Variants in AOX1 observed in about 807,000 individuals in gnomAD.
The protein encoded by AOX1 is aldehyde oxidase 1, also known as aldehyde oxidase.
In AOX1, 153 loss-of-function variants were observed where a neutral mutation model predicts 169.5. That is an observed-to-expected ratio of 0.90 (90% CI 0.79 to 1.03). The LOEUF is 1.03. Among genes scored for constraint, AOX1 ranks in the 50% least tolerant of loss-of-function variants. The pLI is 0.00. For missense variants in AOX1, 1,656 were observed against 1,663.9 expected (o/e 1.00, Z 0.08); for synonymous variants, 562 against 581.9 (o/e 0.97, Z 0.49).
chr2:200,613,065 T>C (rs187631616), intron 14 of AOX1, among the ~76,000 whole-genome samples: 1 of 149,880 alleles, frequency 6.7e-6, no homozygotes, highest in African/African-American at 2.4e-5. Flanking sequence ...AGAGAAGCCC[T>C]CCCTCAACAG....
Position 200,598,930 on chromosome 2 carries a change from G to T in AOX1, c.310-690G>T, listed in dbSNP as rs1052875351. 3.3e-5 allele frequency among the ~76,000 whole-genome samples: 5 copies of T among 152,200 alleles called. No homozygotes were observed. The South Asian group carries it at 8.3e-4, about 25-fold the overall frequency. On this transcript the variant is annotated intron_variant, in intron 4 of 34. Coordinates refer to ENST00000374700, the MANE Select transcript of AOX1 (RefSeq NM_001159.4). ...ACCCAGAGGGAGAGAATTTTGCCTG[G>T]ATCATTATGACATATCATTAACTAG...
At chr2:200,592,481 A>G (rs2034194244) in intron 1 of AOX1, among the ~76,000 whole-genome samples, 2 of 152,226 alleles carry the variant, frequency 1.3e-5, no homozygotes, top group African/African-American at 4.8e-5. Flanking sequence ...ATCACTTTGG[A>G]AAACATAACC....
intron 13 of AOX1, among the ~76,000 whole-genome samples, chr2:200,612,186 T>C (rs890205001): frequency 2.0e-5 from 3 of 152,182 alleles, no homozygotes; most frequent in Non-Finnish European, 4.4e-5. Flanking sequence ...GGAAAAAACA[T>C]GAGGCTTTGC....
chr2:200,659,436 G>C, intron 28 of AOX1, 143 bp downstream of exon 28: 1 of 861,630 alleles, frequency 1.2e-6, no homozygotes, highest in Non-Finnish European at 1.8e-6. Flanking sequence ...ACAGCACCCA[G>C]TGGTTCTCCT....
chr2:200,655,924 C>T (rs1305134933), intron 26 of AOX1, among the ~76,000 whole-genome samples: 1 of 152,182 alleles, frequency 6.6e-6, no homozygotes, highest in Non-Finnish European at 1.5e-5. Context: ...AAGTGAGCAA[C>T]TAAGGCTTAG....
At chr2:200,599,931 C>T (rs61125566) in intron 5 of AOX1, among the ~76,000 whole-genome samples, 185 bp downstream of exon 5, 3,837 of 152,104 alleles carry the variant, frequency 0.025, 176 homozygotes, top group African/African-American at 0.088. Flanking sequence ...TACTTTTAAA[C>T]GATGATGATG....
intron 12 of AOX1, 98 bp from the exon 13 acceptor site, chr2:200,611,286 C>T (rs753045525): frequency 1.7e-4 from 134 of 810,028 alleles, no homozygotes; most frequent in Non-Finnish European, 2.5e-4. Context: ...CCTGAACAAC[C>T]GGTTTCCTCA....
intron 25 of AOX1, among the ~76,000 whole-genome samples, chr2:200,647,876 C>T (rs1038722964): frequency 7.2e-5 from 11 of 152,130 alleles, no homozygotes; most frequent in Non-Finnish European, 1.3e-4. Context: ...TTTAATTCTA[C>T]TACTGAGACT....
intron 25 of AOX1, among the ~76,000 whole-genome samples, chr2:200,647,185 T>C (rs950961317): frequency 6.6e-6 from 1 of 152,238 alleles, no homozygotes; most frequent in African/African-American, 2.4e-5. Flanking sequence ...ATAGGTCCTA[T>C]GTGACTTATG....
intron 20 of AOX1, among the ~76,000 whole-genome samples, chr2:200,634,269 A>G (rs1266499303): frequency 6.6e-6 from 1 of 151,184 alleles, no homozygotes; most frequent in Non-Finnish European, 1.5e-5. Flanking sequence ...AACAACAACA[A>G]CAAAAAAACC....
chr2:200,616,086 A>G (rs2034751864), intron 16 of AOX1, 23 bp downstream of exon 16: 2 of 1,541,256 alleles, frequency 1.3e-6, no homozygotes, highest in African/African-American at 1.4e-5. Flanking sequence ...TCTTGTTTTT[A>G]AAAATTCACA....
chr2:200,669,573 AG>A lies in AOX1; in HGVS notation c.3800del. On this transcript the variant is annotated splice_acceptor_variant, in intron 33 of 34. Transcript: ENST00000374700. LOFTEE classifies it high-confidence loss of function. ...AATCTAGTTGGCATGCTTCCTTTCA[AG>A]GGTCTGGGAGAGTCGGGGGTGTTCC... The A allele has an allele frequency of 1.9e-6, 3 of 1,613,830 alleles. No individual in the cohort carries two copies. Among genetic ancestry groups the A allele is most frequent in the Non-Finnish European group, 1.7e-6 (2 of 1,179,904 alleles).
At chr2:200,601,595 A>C (rs573240438) in intron 5 of AOX1, among the ~76,000 whole-genome samples, 3 of 151,972 alleles carry the variant, frequency 2.0e-5, no homozygotes, top group African/African-American at 7.3e-5. Context: ...AGCTTTTTGC[A>C]TGTCAATAAC....
chr2:200,596,305 C>T (rs1471989603), intron 3 of AOX1, among the ~76,000 whole-genome samples: 1 of 152,174 alleles, frequency 6.6e-6, no homozygotes, highest in Non-Finnish European at 1.5e-5. Context: ...ACCTCTCTCA[C>T]CTTCCATGCT....
At chr2:200,641,382 C>T (rs2035349101) in intron 24 of AOX1, among the ~76,000 whole-genome samples, 198 bp downstream of exon 24, 1 of 152,022 alleles carries the variant, frequency 6.6e-6, no homozygotes, top group Non-Finnish European at 1.5e-5. Flanking sequence ...CTGTGTGTTA[C>T]CCCCCGGCTT....
Position 200,656,908 on chromosome 2 carries a change from G to A in AOX1, c.3142G>A (p.Gly1048Arg). Reference sequence around the variant, plus strand: ...GGTCACTCACGGTGGAATTGAAATGGGGCAGGGGGTCCACACTAAAATGAT... The same window carrying A: ...GGTCACTCACGGTGGAATTGAAATGAGGCAGGGGGTCCACACTAAAATGAT... ...VLVTHGGIEM[G>R]QGVHTKMIQV... The change falls in exon 27 of 35, where the codon GGG (glycine) becomes AGG (arginine). Residue 1048 changes from glycine (G) to arginine (R), a missense_variant. Transcript: ENST00000374700. The A allele has an allele frequency of 6.3e-7, 1 of 1,583,524 alleles. No individual in the cohort carries two copies. The highest frequency in any genetic ancestry group is 8.6e-7 in the Non-Finnish European group (1 of 1,164,320).
intron 2 of AOX1, among the ~76,000 whole-genome samples, chr2:200,594,186 G>C (rs2465656): frequency 6.6e-6 from 1 of 152,126 alleles, no homozygotes; most frequent in Non-Finnish European, 1.5e-5. Flanking sequence ...GAGTGGAAGG[G>C]CCCTAGACTG....
At chr2:200,641,880 C>T (rs1406084931) in intron 24 of AOX1, among the ~76,000 whole-genome samples, 1 of 152,040 alleles carries the variant, frequency 6.6e-6, no homozygotes, top group Non-Finnish European at 1.5e-5. Context: ...CAGTGGCTCA[C>T]ACCTGTAATC....
Position 200,595,262 on chromosome 2 carries a change from C to A in AOX1, c.104-10C>A. The A allele has an allele frequency of 1.9e-6, 3 of 1,608,064 alleles. No individual in the cohort carries two copies. The highest frequency in any genetic ancestry group is 2.6e-6 in the Non-Finnish European group (3 of 1,175,478). ...ATAACACATATGATCTTTAACTATA[C>A]CTCTTCCAGTTCGACTCACAGGAAC... On this transcript the variant is annotated splice_polypyrimidine_tract_variant and intron_variant, in intron 2 of 34. Coordinates refer to ENST00000374700, the MANE Select transcript of AOX1 (RefSeq NM_001159.4).
Sources: allele counts gnomAD v4.1 joint callset (sites outside exome capture counted in the v4.1 genomes callset), GRCh38; gene constraint gnomAD v4.1.1; transcripts MANE v1.5; gene names NCBI Gene and HGNC (gene_info 2026-07-23, HGNC 2026-07-21).